IL15: variants seen among roughly 807,000 people sequenced by gnomAD.
IL15 encodes the protein interleukin-15.
In IL15, 11 loss-of-function variants were observed where a neutral mutation model predicts 19.6. The observed-to-expected ratio is 0.56, with a 90% CI of 0.35 to 0.93. The LOEUF is 0.93. IL15 is among the 40% of genes least tolerant of loss of function. The pLI is 0.01. For synonymous variants in IL15, 58 were observed against 59.6 expected (o/e 0.97, Z 0.12); for missense variants, 197 against 186.5 (o/e 1.06, Z -0.33).
At chr4:141,716,877 T>G (rs1022614624) in intron 2 of IL15, 1 of 152,230 alleles carries the variant, frequency 6.6e-6, no homozygotes, top group Non-Finnish European at 1.5e-5. Context: ...GATTTAATAT[T>G]GTTCTCCCTG....
intron 2 of IL15, among the ~76,000 whole-genome samples, chr4:141,693,404 C>T (rs867196455): frequency 6.6e-6 from 1 of 152,146 alleles, no homozygotes; most frequent in Non-Finnish European, 1.5e-5. Flanking sequence ...CTATAAATTC[C>T]TAAAGGACAG....
chr4:141,656,884 G>C (rs1476341485), intron 2 of IL15, among the ~76,000 whole-genome samples: 1 of 152,160 alleles, frequency 6.6e-6, no homozygotes, highest in Non-Finnish European at 1.5e-5. Flanking sequence ...TTTTTTAAAT[G>C]ACTGAGTCTT....
At chr4:141,729,710 C>T in intron 6 of IL15, 137 bp from the exon 7 acceptor site, 1 of 538,902 alleles carries the variant, frequency 1.9e-6, no homozygotes, top group East Asian at 3.2e-5. Flanking sequence ...ATTAAGCTGC[C>T]TCCTATGTAA....
chr4:141,721,249 G>A, intron 4 of IL15: 1 of 729,344 alleles, frequency 1.4e-6, no homozygotes, highest in South Asian at 1.5e-5. Flanking sequence ...GGAAGTGAGT[G>A]ATTATTTTTC....
At chr4:141,732,474 A>C (rs1730481577) in intron 7 of IL15, among the ~76,000 whole-genome samples, 2 of 152,226 alleles carry the variant, frequency 1.3e-5, no homozygotes, top group African/African-American at 4.8e-5. Flanking sequence ...AAACCATTGA[A>C]GGGCTCAAAG....
chr4:141,663,560 C>T (rs181216054), intron 2 of IL15, among the ~76,000 whole-genome samples: 37 of 152,256 alleles, frequency 2.4e-4, no homozygotes, highest in African/African-American at 7.7e-4. Flanking sequence ...TTGGCAAAAA[C>T]GGCATGATCT....
At chr4:141,720,345 G>T in intron 3 of IL15, 124 bp from the exon 4 acceptor site, 2 of 603,760 alleles carry the variant, frequency 3.3e-6, no homozygotes, top group Non-Finnish European at 2.9e-6. Flanking sequence ...TTTTGATAAG[G>T]GGCATTAATT....
chr4:141,690,217 C>A (rs966888407), intron 2 of IL15, among the ~76,000 whole-genome samples: 1 of 152,198 alleles, frequency 6.6e-6, no homozygotes. Flanking sequence ...CGCACGCAGG[C>A]CCGGTTCCCG....
intron 2 of IL15, among the ~76,000 whole-genome samples, chr4:141,695,276 T>A (rs1279955971): frequency 9.0e-6 from 1 of 110,730 alleles, no homozygotes; most frequent in Non-Finnish European, 2.1e-5. Context: ...TGATACCTTT[T>A]TTTTTTTTTT....
chr4:141,693,290 A>AC (rs1033905097), intron 2 of IL15, among the ~76,000 whole-genome samples: 13 of 151,758 alleles, frequency 8.6e-5, no homozygotes, highest in African/African-American at 3.1e-4. Context: ...TGGTCCAATC[A>AC]CCCCCCACTG....
At chr4:141,641,001 C>T (rs1330096097) in intron 1 of IL15, among the ~76,000 whole-genome samples, 2 of 152,142 alleles carry the variant, frequency 1.3e-5, no homozygotes, top group African/African-American at 4.8e-5. Flanking sequence ...GAAAGGAGCC[C>T]AGAGAGGGTC....
chr4:141,646,828 CCCTT>C (rs1698717896), intron 1 of IL15, among the ~76,000 whole-genome samples: 2 of 152,030 alleles, frequency 1.3e-5, no homozygotes, highest in South Asian at 4.1e-4. Context: ...ATTAACATCT[CCCTT>C]CATTAGAATA....
At chr4:141,695,272 CTTTTTTTT>C (rs34115620) in intron 2 of IL15, among the ~76,000 whole-genome samples, 1 of 62,564 alleles carries the variant, frequency 1.6e-5, no homozygotes, top group Non-Finnish European at 2.7e-5. Flanking sequence ...TCTATGATAC[CTTTTTTTT>C]TTTTTTTTTT....
rs75912030 is a variant in IL15 at position 141,710,710 on chromosome 4, C to T, written c.-99-8656C>T. 7.4e-4 allele frequency among the ~76,000 whole-genome samples: 113 copies of T among 152,122 alleles called. 3 individuals carry two copies. In the East Asian group the frequency reaches 0.016, roughly 22 times the overall value. On this transcript the variant is annotated intron_variant, in intron 2 of 7. Coordinates refer to ENST00000320650, the MANE Select transcript of IL15 (RefSeq NM_000585.5). ...GTCCCCACTACCTCTACTACTATTA[C>T]AACCTTCTGTTAGATTCTTTGAGTT...
chr4:141,691,597 G>A (rs72712413), intron 2 of IL15, among the ~76,000 whole-genome samples: 17,357 of 152,192 alleles, frequency 0.11, 1,101 homozygotes, highest in Non-Finnish European at 0.15. Context: ...ACAAAACGAA[G>A]GGGCCACAGG....
chr4:141,722,847 T>A (rs979105870), intron 5 of IL15, among the ~76,000 whole-genome samples: 3 of 151,988 alleles, frequency 2.0e-5, no homozygotes, highest in Admixed American at 1.3e-4. Context: ...AGGAACCATA[T>A]AGAAATTATA....
Position 141,683,986 on chromosome 4 carries a change from A to G in IL15, c.-100+27679A>G, listed in dbSNP as rs10033493. Among the ~76,000 whole-genome samples, 289 of 152,316 alleles carry G rather than the reference A, an allele frequency of 1.9e-3. 1 individual carries two copies. Among genetic ancestry groups the G allele is most frequent in the African/African-American group, 6.2e-3 (257 of 41,572 alleles). On this transcript the variant is annotated intron_variant, in intron 2 of 7. Coordinates refer to ENST00000320650, the MANE Select transcript of IL15 (RefSeq NM_000585.5). ...TAGACACAATATGAATACTTGATAC[A>G]TAGCAGGGTTTTCTTCGCCAAAAAT...
At chr4:141,653,566 A>G (rs1337321005) in intron 1 of IL15, among the ~76,000 whole-genome samples, 1 of 152,190 alleles carries the variant, frequency 6.6e-6, no homozygotes, top group Non-Finnish European at 1.5e-5. Flanking sequence ...CTGAAAACAA[A>G]TACACACTGT....
chr4:141,662,411 TAAG>T (rs1205490570), intron 2 of IL15, among the ~76,000 whole-genome samples: 2 of 152,240 alleles, frequency 1.3e-5, no homozygotes, highest in Admixed American at 6.5e-5. Flanking sequence ...TTTTCATAGT[TAAG>T]AAATGCACAC....
Sources: gnomAD v4.1 joint callset for allele counts (sites outside exome capture counted in the v4.1 genomes callset) on GRCh38, gnomAD v4.1.1 for gene constraint, MANE v1.5 for transcripts, NCBI Gene and HGNC (gene_info 2026-07-23, HGNC 2026-07-21) for gene names.